KYNU: variants seen among roughly 807,000 people sequenced by gnomAD.
KYNU encodes kynureninase.
Under a neutral mutation model 59.2 loss-of-function variants are expected in KYNU, and 54 were observed. The ratio of observed to expected loss-of-function variants is 0.91; its 90% CI spans 0.73 to 1.14. The LOEUF is 1.14. Among genes scored for constraint, KYNU ranks in the 50% most tolerant of loss-of-function variants. KYNU has a pLI of 0.00. For synonymous variants in KYNU, 177 were observed against 192.0 expected (o/e 0.92, Z 0.65); for missense variants, 567 against 554.4 (o/e 1.02, Z -0.23).
intron 8 of KYNU, among the ~76,000 whole-genome samples, chr2:142,984,137 G>A (rs114453676): frequency 6.0e-4 from 91 of 152,086 alleles, no homozygotes; most frequent in African/African-American, 2.1e-3. Context: ...GACTGAACTT[G>A]CATTTTGAAT....
At chr2:142,922,312 G>A (rs1682909268) in intron 3 of KYNU, among the ~76,000 whole-genome samples, 1 of 152,128 alleles carries the variant, frequency 6.6e-6, no homozygotes, top group Admixed American at 6.6e-5. Flanking sequence ...ACCAGCTTGG[G>A]CAACATGGTA....
At chr2:142,902,116 C>T (rs1251124167) in intron 2 of KYNU, among the ~76,000 whole-genome samples, 2 of 152,200 alleles carry the variant, frequency 1.3e-5, no homozygotes, top group Non-Finnish European at 2.9e-5. Flanking sequence ...GATGTCCACA[C>T]AGTAAGATCT....
chr2:142,961,221 T>C (rs1426763460), intron 8 of KYNU, among the ~76,000 whole-genome samples: 2 of 150,730 alleles, frequency 1.3e-5, no homozygotes, highest in Non-Finnish European at 3.0e-5. Flanking sequence ...AAATCTTACA[T>C]TTTTAAAAGA....
Position 143,033,258 on chromosome 2 carries a change from C to T in KYNU, c.978C>T (p.Val326=). Residue 326 remains valine (V), a synonymous_variant, in exon 12 of 14, where the codon GTC becomes GTT. Transcript: ENST00000264170. ...MDNKLQLIPG[V]CGFRISNPPI... Reference sequence around the variant, plus strand: ...CAGAACTGCAGTTAATCCCTGGGGTCTGTGGATTCCGAATTTCAAATCCTC... The same window carrying T: ...CAGAACTGCAGTTAATCCCTGGGGTTTGTGGATTCCGAATTTCAAATCCTC... The T allele has an allele frequency of 6.2e-7, 1 of 1,613,132 alleles. No homozygotes were observed. Among genetic ancestry groups the T allele is most frequent in the Non-Finnish European group, 8.5e-7 (1 of 1,179,082 alleles).
chr2:142,903,296 T>C (rs1333444749), intron 2 of KYNU, among the ~76,000 whole-genome samples: 1 of 152,076 alleles, frequency 6.6e-6, no homozygotes, highest in Non-Finnish European at 1.5e-5. Flanking sequence ...TCGTCCATAT[T>C]GTCCTTCTGT....
At chr2:143,033,462 C>A in intron 12 of KYNU, 141 bp downstream of exon 12, 1 of 768,010 alleles carries the variant, frequency 1.3e-6, no homozygotes, top group Non-Finnish European at 2.4e-6. Flanking sequence ...GGCAGCATTC[C>A]CCTTTAGGAC....
intron 2 of KYNU, among the ~76,000 whole-genome samples, chr2:142,902,910 A>G (rs924347011): frequency 6.6e-6 from 1 of 152,184 alleles, no homozygotes; most frequent in Non-Finnish European, 1.5e-5. Flanking sequence ...TTAAAGGCAA[A>G]TAAGAATTGA....
chr2:142,910,131 C>CTTT (rs368644903), intron 2 of KYNU, among the ~76,000 whole-genome samples: 2,134 of 105,412 alleles, frequency 0.02, 160 homozygotes, highest in African/African-American at 0.058. Context: ...TGTTCTTTGC[C>CTTT]TTTTTTTTTT....
At chr2:142,905,174 T>A (rs1229200761) in intron 2 of KYNU, among the ~76,000 whole-genome samples, 2 of 152,214 alleles carry the variant, frequency 1.3e-5, no homozygotes, top group Non-Finnish European at 2.9e-5. Flanking sequence ...AGCTTTTTGT[T>A]GCCCCAGATT....
intron 4 of KYNU, chr2:142,946,968 T>G: frequency 7.3e-7 from 1 of 1,375,550 alleles, no homozygotes; most frequent in South Asian, 1.4e-5. Context: ...CTTGTACTTT[T>G]TGTATTTCAA....
At chr2:143,000,526 T>G (rs1685680939) in intron 10 of KYNU, among the ~76,000 whole-genome samples, 1 of 152,206 alleles carries the variant, frequency 6.6e-6, no homozygotes, top group Admixed American at 6.5e-5. Flanking sequence ...GGGGCACACA[T>G]ACAGATCAGG....
Position 143,031,964 on chromosome 2 carries a change from AAGAG to A in KYNU, c.956-1265_956-1262del, listed in dbSNP as rs370903378. Among the ~76,000 whole-genome samples the A allele has an allele frequency of 5.4e-4, 82 of 151,944 alleles. 1 individual carries two copies. In the South Asian group the frequency reaches 8.5e-3, roughly 16 times the overall value. Reference sequence around the variant, plus strand: ...TGATGGGAGGTGAGAGAGAGAGAGAAAGAGAGAGAGTGCATAAAAACTGCTGTTT... The same window carrying A: ...TGATGGGAGGTGAGAGAGAGAGAGAAAGAGAGTGCATAAAAACTGCTGTTT... On this transcript the variant is annotated intron_variant, in intron 11 of 13. Transcript: ENST00000264170.
chr2:143,020,591 T>C (rs1203363715), intron 10 of KYNU, among the ~76,000 whole-genome samples: 2 of 152,194 alleles, frequency 1.3e-5, no homozygotes, highest in African/African-American at 2.4e-5. Context: ...ATGAGAAATA[T>C]GTGTATGCTA....
chr2:142,936,963 G>A (rs1683411347), intron 4 of KYNU, among the ~76,000 whole-genome samples: 1 of 152,216 alleles, frequency 6.6e-6, no homozygotes, highest in Non-Finnish European at 1.5e-5. Context: ...GCAACATGCT[G>A]TTTTAATGAG....
At chr2:142,906,884 T>A (rs1248366860) in intron 2 of KYNU, among the ~76,000 whole-genome samples, 1 of 151,974 alleles carries the variant, frequency 6.6e-6, no homozygotes, top group Non-Finnish European at 1.5e-5. Context: ...CCTAGGAAAA[T>A]TGTGAAAGTG....
At position 142,946,765 on chromosome 2, in the gene KYNU, C is replaced by T. The variant is rs1409424209; in HGVS notation, c.374-8045C>T. On this transcript the variant is annotated intron_variant, in intron 4 of 13. Coordinates refer to ENST00000264170, the MANE Select transcript of KYNU (RefSeq NM_003937.3). ...AGCTATGTTAATCCTGAATAAGATTCTGCCTGTCCCTTGAAGGTTTGTAGC... is the reference window on the plus strand; with the variant it reads ...AGCTATGTTAATCCTGAATAAGATTTTGCCTGTCCCTTGAAGGTTTGTAGC... 2.0e-5 allele frequency among the ~76,000 whole-genome samples: 3 copies of T among 152,158 alleles called. No individual in the cohort carries two copies. In the East Asian group the frequency reaches 5.8e-4, roughly 29 times the overall value.
intron 10 of KYNU, among the ~76,000 whole-genome samples, chr2:143,015,690 A>G (rs1686228171): frequency 6.6e-6 from 1 of 152,012 alleles, no homozygotes. Context: ...GTTCTGCATT[A>G]GATAGGATCA....
chr2:142,962,635 C>T (rs1194112242), intron 8 of KYNU, among the ~76,000 whole-genome samples: 1 of 152,106 alleles, frequency 6.6e-6, no homozygotes, highest in Non-Finnish European at 1.5e-5. Context: ...TAGTAAATGC[C>T]TACCAAGTTA....
chr2:142,957,747 C>G, intron 7 of KYNU, 32 bp downstream of exon 7: 2 of 1,337,378 alleles, frequency 1.5e-6, no homozygotes, highest in Non-Finnish European at 2.2e-6. Flanking sequence ...ATTTGTCATG[C>G]TTTGTTTAGT....
Sources: allele counts gnomAD v4.1 joint callset (sites outside exome capture counted in the v4.1 genomes callset), GRCh38; gene constraint gnomAD v4.1.1; transcripts MANE v1.5; gene names NCBI Gene and HGNC (gene_info 2026-07-23, HGNC 2026-07-21).